GASK1A: variants seen among roughly 807,000 people sequenced by gnomAD.
GASK1A encodes the protein golgi associated kinase 1A, also known as Golgi-associated kinase 1A.
A neutral mutation model predicts 41.2 loss-of-function variants in GASK1A; 40 were observed. The observed-to-expected ratio is 0.97, with a 90% CI of 0.75 to 1.27. GASK1A has a LOEUF of 1.27. Ranked by LOEUF, GASK1A falls within the 50% of genes most tolerant of loss-of-function variation. GASK1A has a pLI of 0.00. For synonymous variants in GASK1A, 316 were observed against 307.1 expected (o/e 1.03, Z -0.30); for missense variants, 678 against 745.1 (o/e 0.91, Z 1.05).
intron 1 of GASK1A, among the ~76,000 whole-genome samples, chr3:43,019,757 A>AACAC (rs148054172): frequency 0.019 from 2,802 of 146,588 alleles, 32 homozygotes; most frequent in African/African-American, 0.028. Context: ...TTCCGTTTTT[A>AACAC]ACACACACAC....
At chr3:43,002,431 G>C (rs760446658) in intron 1 of GASK1A, among the ~76,000 whole-genome samples, 3 of 152,120 alleles carry the variant, frequency 2.0e-5, no homozygotes, top group Non-Finnish European at 2.9e-5. Context: ...GCTTGCTTTT[G>C]TGTTTTTATT....
chr3:43,012,280 A>AT (rs1221879597), intron 1 of GASK1A, among the ~76,000 whole-genome samples: 9 of 151,904 alleles, frequency 5.9e-5, no homozygotes, highest in Admixed American at 1.3e-4. Flanking sequence ...GGTCACAGGA[A>AT]GGGGCTGTGT....
rs563046266 is a variant in GASK1A at position 43,004,954 on chromosome 3, AT to A, written c.3+25310del. ...TTCTTTCTGGAGGCTCTGGGGGAGAATCCATTTCCTTGCCACCTCTATCCTT... is the reference window on the plus strand; with the variant it reads ...TTCTTTCTGGAGGCTCTGGGGGAGAACCATTTCCTTGCCACCTCTATCCTT... On this transcript the variant is annotated intron_variant, in intron 1 of 4. Transcript: ENST00000430121. Among the ~76,000 whole-genome samples, 4 of 152,284 alleles carry A rather than the reference AT, an allele frequency of 2.6e-5. No homozygotes were observed. The South Asian group carries it at 8.3e-4, about 32-fold the overall frequency.
Position 42,987,457 on chromosome 3 carries a change from A to C in GASK1A, c.3+7812A>C, listed in dbSNP as rs187096827. 3.8e-3 allele frequency among the ~76,000 whole-genome samples: 573 copies of C among 152,238 alleles called. 6 individuals are homozygous for C. The highest frequency in any genetic ancestry group is 0.013 in the African/African-American group (557 of 41,556). On this transcript the variant is annotated intron_variant, in intron 1 of 4. Transcript: ENST00000430121. ...GCAAAAAGGAAAAAAAGGAGAAAAA[A>C]GTGGGGGGAGGGGGTACTATGAATT...
At chr3:43,022,485 T>A (rs372292235) in intron 1 of GASK1A, among the ~76,000 whole-genome samples, 8 of 145,794 alleles carry the variant, frequency 5.5e-5, no homozygotes, top group African/African-American at 2.0e-4. Context: ...CATTTTTCAT[T>A]GTAGAAGAAA....
At chr3:43,013,824 G>A (rs1217849479) in intron 1 of GASK1A, among the ~76,000 whole-genome samples, 1 of 151,620 alleles carries the variant, frequency 6.6e-6, no homozygotes, top group African/African-American at 2.4e-5. Context: ...AAGGGGCTAG[G>A]TGAGGTCAGA....
At chr3:43,017,128 G>C (rs2089495755) in intron 1 of GASK1A, among the ~76,000 whole-genome samples, 1 of 151,824 alleles carries the variant, frequency 6.6e-6, no homozygotes, top group Non-Finnish European at 1.5e-5. Flanking sequence ...TGAAATCACA[G>C]ATAGAGGCAG....
In GASK1A at chr3:43,055,154, G is replaced by T. The variant is rs1176982372; in HGVS notation, c.1414-278G>T. On this transcript the variant is annotated intron_variant, in intron 3 of 4. Transcript: ENST00000430121. The stretch of plus-strand genomic sequence containing the variant: ...CTAGCTGTGTGATTTTGTGCAAATT[G>T]CTTAACTTAAAGAAGGTGCCACCAT... Among the ~76,000 whole-genome samples the T allele has an allele frequency of 2.0e-5, 3 of 152,314 alleles. No homozygotes were observed. In the South Asian group the frequency reaches 6.2e-4, roughly 32 times the overall value.
At chr3:43,041,681 T>C (rs1184922147) in intron 2 of GASK1A, among the ~76,000 whole-genome samples, 3 of 152,384 alleles carry the variant, frequency 2.0e-5, no homozygotes, top group Admixed American at 6.5e-5. Context: ...CCTCTTGGGC[T>C]TCCCCTGCAT....
rs925049921 is a variant in GASK1A at position 43,032,918 on chromosome 3, G to A, written c.655G>A (p.Asp219Asn). 3.2e-6 allele frequency: 5 copies of A among 1,550,998 alleles called. No individual in the cohort carries two copies. In the African/African-American group the frequency reaches 5.5e-5, roughly 17 times the overall value. The change falls in exon 2 of 5, where the codon GAT (aspartate) becomes AAT (asparagine). Residue 219 changes from aspartate to asparagine, a missense_variant. Physicochemically the swap from Asp to Asn is conservative, Grantham distance 23. Transcript: ENST00000430121. ...CTTGACTGGTGGGCAACAAGCAGAG[G>A]ATCCCACCTTGGCCTCAGGAGCTCA... ...RALTGGQQAE[D>N]PTLASGAHQW...
At chr3:42,988,783 C>T (rs1250556624) in intron 1 of GASK1A, among the ~76,000 whole-genome samples, 1 of 152,232 alleles carries the variant, frequency 6.6e-6, no homozygotes, top group Non-Finnish European at 1.5e-5. Context: ...CTGACTGCCA[C>T]TGCCTCTCTG....
rs1486265116 is a variant in GASK1A at position 42,984,802 on chromosome 3, G to T, written c.3+5157G>T. 6.6e-6 allele frequency among the ~76,000 whole-genome samples: 1 copy of T among 152,230 alleles called. No individual in the cohort carries two copies. Among genetic ancestry groups the T allele is most frequent in the African/African-American group, 2.4e-5 (1 of 41,454 alleles). On this transcript the variant is annotated intron_variant, in intron 1 of 4. Transcript: ENST00000430121. The surrounding 1 kb of genome is among the most constrained non-coding windows in gnomAD (Gnocchi z 4.2). ...ATACTTGGCATGAATGGCATGCAGG[G>T]GAGTGAGCAAGCAGGTGGGGGTCTC... is the stretch of plus-strand genomic sequence containing the variant.
chr3:43,056,276 G>T lies in GASK1A; in HGVS notation c.1618G>T (p.Gly540Ter). Residue 540 changes from glycine to a stop codon, truncating the protein, a stop_gained, in exon 5 of 5, where the codon GGA becomes TGA. Coordinates refer to ENST00000430121, the MANE Select transcript of GASK1A (RefSeq NM_001129908.3). LOFTEE classifies it low-confidence loss of function (END_TRUNC). ...CCCAGTGTTCTGGGAAAGCCAAGGCGGAGCCCAGGGGCTGAAGCAGGTCCT... is the reference window on the plus strand; with the variant it reads ...CCCAGTGTTCTGGGAAAGCCAAGGCTGAGCCCAGGGGCTGAAGCAGGTCCT... ...MDPVFWESQGGAQGLKQVLQT... is the reference protein window; with the variant it reads ...MDPVFWESQG 1 of 1,551,690 alleles carries T rather than the reference G, an allele frequency of 6.4e-7. No individual in the cohort carries two copies. The highest frequency in any genetic ancestry group is 8.7e-7 in the Non-Finnish European group (1 of 1,146,982).
rs945975778 is a variant in GASK1A, at chr3:43,032,627, A to G, written c.364A>G (p.Ile122Val). Residue 122 changes from isoleucine (I) to valine (V), a missense_variant, in exon 2 of 5, where the codon ATT (isoleucine) becomes GTT (valine). By Grantham distance (29) the Ile-to-Val change is conservative. Transcript: ENST00000430121. ...GCATCCAGGGAGGGTGAGGAGGGAC[A>G]TTACTTTGTCAGGACATCCAAGACT... Reference protein sequence around the residue: ...LRHPGRVRRDITLSGHPRLST... With the variant: ...LRHPGRVRRDVTLSGHPRLST... 3.9e-6 allele frequency: 6 copies of G among 1,551,596 alleles called. No homozygotes were observed. The highest frequency in any genetic ancestry group is 2.0e-5 in the Admixed American group (1 of 50,982).
chr3:42,979,600 C>T lies in GASK1A; in HGVS notation c.-43C>T, dbSNP rs994217787. 9 of 1,240,966 alleles carry T rather than the reference C, an allele frequency of 7.3e-6. No individual in the cohort carries two copies. Among genetic ancestry groups the T allele is most frequent in the African/African-American group, 3.1e-5 (2 of 64,408 alleles). The allele number at this position is 1,240,966 out of a possible 1,614,324, so 76.9% of individuals were successfully genotyped here. On this transcript the variant is annotated 5_prime_UTR_variant, in exon 1 of 5. Coordinates refer to ENST00000430121, the MANE Select transcript of GASK1A (RefSeq NM_001129908.3). ...GGGGAGGCGGGATGAGTCTGCGAGC[C>T]GGCTGAGCGCGCCGAGGAGCCGGCC... is the stretch of plus-strand genomic sequence containing the variant.
At chr3:43,027,219 C>G (rs191975651) in intron 1 of GASK1A, among the ~76,000 whole-genome samples, 35 of 152,218 alleles carry the variant, frequency 2.3e-4, no homozygotes, top group Middle Eastern at 3.4e-3. Flanking sequence ...TTCAGTCAAC[C>G]AAGAAATAAT....
chr3:43,030,791 G>C (rs190760148), intron 1 of GASK1A, among the ~76,000 whole-genome samples: 29 of 152,288 alleles, frequency 1.9e-4, no homozygotes, highest in Non-Finnish European at 3.8e-4. Context: ...CTTAGGTCAT[G>C]GGTCGGGGTC....
At chr3:42,993,182 A>C (rs1056429133) in intron 1 of GASK1A, among the ~76,000 whole-genome samples, 32 of 152,382 alleles carry the variant, frequency 2.1e-4, no homozygotes, top group African/African-American at 7.7e-4. Flanking sequence ...TCAGGGGAGC[A>C]CTAGGTTAAA....
chr3:43,046,324 T>C (rs2089661958), intron 2 of GASK1A, among the ~76,000 whole-genome samples: 1 of 152,234 alleles, frequency 6.6e-6, no homozygotes, highest in Non-Finnish European at 1.5e-5. Context: ...TAAAGGTGAT[T>C]ATTGCTATGC....
Sources: gnomAD v4.1 joint callset for allele counts (sites outside exome capture counted in the v4.1 genomes callset) on GRCh38, gnomAD v4.1.1 for gene constraint, Gnocchi (gnomAD v3.1) non-coding constraint, MANE v1.5 for transcripts, NCBI Gene and HGNC (gene_info 2026-07-23, HGNC 2026-07-21) for gene names.